Variants in EVL observed in about 807,000 individuals in gnomAD.
EVL encodes Enah/Vasp-like, also known as ena/VASP-like protein.
Under a neutral mutation model 59.6 loss-of-function variants are expected in EVL, and 21 were observed. The observed-to-expected ratio is 0.35, with a 90% CI of 0.25 to 0.51. The LOEUF is 0.51. EVL is among the 20% of genes least tolerant of loss of function. The pLI is 0.97. For synonymous variants in EVL, 198 were observed against 203.5 expected, an observed-to-expected ratio of 0.97 and a Z score of 0.23; for missense variants, 462 against 546.6, an observed-to-expected ratio of 0.85 and a Z score of 1.54.
chr14:99,973,381 T>A (rs1036461113), intron 1 of EVL, among the ~76,000 whole-genome samples: 3 of 152,238 alleles, frequency 2.0e-5, no homozygotes, highest in African/African-American at 7.2e-5. Flanking sequence ...TGTTGACTGA[T>A]GAGGCTGAAC....
chr14:100,066,235 T>G (rs2061927775), intron 1 of EVL, among the ~76,000 whole-genome samples: 1 of 152,236 alleles, frequency 6.6e-6, no homozygotes, highest in African/African-American at 2.4e-5. Flanking sequence ...TAACAATCCC[T>G]CACTTTGAAA....
At chr14:100,048,333 A>G (rs1163445696) in intron 1 of EVL, among the ~76,000 whole-genome samples, 4 of 152,248 alleles carry the variant, frequency 2.6e-5, no homozygotes, top group African/African-American at 7.2e-5. Flanking sequence ...TCAACTGGGC[A>G]AAAGACAGAC....
intron 13 of EVL, 89 bp downstream of exon 13, chr14:100,141,882 GAGCT>G: frequency 8.2e-7 from 1 of 1,217,644 alleles, no homozygotes; most frequent in Non-Finnish European, 1.2e-6. Context: ...CTCCAGTTTT[GAGCT>G]GGAGCCCATA....
At chr14:100,022,278 GT>G (rs60834825) in intron 1 of EVL, among the ~76,000 whole-genome samples, 209 of 129,142 alleles carry the variant, frequency 1.6e-3, no homozygotes, top group Admixed American at 4.4e-3. Flanking sequence ...TTCTTGGTTT[GT>G]TTTTTTTTTT....
In EVL at chr14:100,137,728, C is replaced by T. The variant is rs1477763432; in HGVS notation, c.1032-12C>T. The T allele has an allele frequency of 1.2e-6, 2 of 1,613,972 alleles. No homozygotes were observed. Among genetic ancestry groups the T allele is most frequent in the African/African-American group, 2.7e-5 (2 of 74,940 alleles). ...CGCCGATTCACATGTCTGTTTCATT[C>T]CATTGCCGTAGAACCCCGTCTGTGG... On this transcript the variant is annotated splice_polypyrimidine_tract_variant and intron_variant, in intron 10 of 13. Coordinates refer to ENST00000392920, the MANE Select transcript of EVL (RefSeq NM_016337.3).
At chr14:100,003,386 A>AT (rs1290054809) in intron 1 of EVL, among the ~76,000 whole-genome samples, 4 of 152,156 alleles carry the variant, frequency 2.6e-5, no homozygotes, top group African/African-American at 9.7e-5. Flanking sequence ...AGATACATGG[A>AT]TGTAATAACC....
intron 1 of EVL, among the ~76,000 whole-genome samples, chr14:100,070,453 G>A (rs1046909723): frequency 6.6e-6 from 1 of 152,140 alleles, no homozygotes; most frequent in African/African-American, 2.4e-5. Flanking sequence ...CTATTTTGCA[G>A]TCTCCGTCAT....
chr14:100,007,433 T>C (rs556308837), intron 1 of EVL, among the ~76,000 whole-genome samples: 2 of 152,170 alleles, frequency 1.3e-5, no homozygotes, highest in Non-Finnish European at 2.9e-5. Context: ...CCCTTTAGCT[T>C]AGTGATTTGG....
chr14:100,095,571 T>G (rs1009205918), intron 2 of EVL, among the ~76,000 whole-genome samples: 18 of 152,232 alleles, frequency 1.2e-4, no homozygotes, highest in African/African-American at 3.9e-4. Flanking sequence ...CCAGTCTAGT[T>G]CTTTTGGTTT....
chr14:100,047,973 A>G (rs954447053), intron 1 of EVL, among the ~76,000 whole-genome samples: 4 of 152,246 alleles, frequency 2.6e-5, no homozygotes, highest in Admixed American at 2.6e-4. Context: ...AAGTTACTTC[A>G]AAGTGGTTCA....
At chr14:100,039,561 T>A (rs1054300708) in intron 1 of EVL, among the ~76,000 whole-genome samples, 1 of 152,158 alleles carries the variant, frequency 6.6e-6, no homozygotes, top group Non-Finnish European at 1.5e-5. Flanking sequence ...AAGCAAAACT[T>A]TAAGTCACAT....
At chr14:100,115,975 CAGAG>C (rs1432570502) in intron 3 of EVL, among the ~76,000 whole-genome samples, 1 of 152,240 alleles carries the variant, frequency 6.6e-6, no homozygotes, top group Non-Finnish European at 1.5e-5. Context: ...CTGGGGTGGA[CAGAG>C]CCCTGGGCCG....
intron 3 of EVL, among the ~76,000 whole-genome samples, chr14:100,103,747 G>GACAC (rs1886380723): frequency 1.3e-5 from 2 of 152,200 alleles, no homozygotes; most frequent in South Asian, 4.1e-4. Context: ...GAGAGGCAGA[G>GACAC]ACACAGCAGC....
At chr14:99,979,019 CTT>C (rs1170112505) in intron 1 of EVL, among the ~76,000 whole-genome samples, 2 of 152,088 alleles carry the variant, frequency 1.3e-5, no homozygotes, top group East Asian at 1.9e-4. Flanking sequence ...TGCCTGAATT[CTT>C]GTTTCTCTTT....
At chr14:100,070,551 C>T (rs992335752) in intron 1 of EVL, among the ~76,000 whole-genome samples, 1 of 152,268 alleles carries the variant, frequency 6.6e-6, no homozygotes, top group Non-Finnish European at 1.5e-5. Flanking sequence ...TGTCGATGCT[C>T]TGTCGGCTCA....
chr14:100,094,895 G>A (rs528797270), intron 2 of EVL, among the ~76,000 whole-genome samples: 38 of 151,972 alleles, frequency 2.5e-4, no homozygotes, highest in African/African-American at 8.7e-4. Context: ...CAAAAAATTA[G>A]CTGGGCGTGG....
intron 2 of EVL, among the ~76,000 whole-genome samples, chr14:100,087,240 A>G (rs557974577): frequency 2.1e-4 from 32 of 152,358 alleles, no homozygotes; most frequent in African/African-American, 5.3e-4. Flanking sequence ...AAGTTATAGT[A>G]CCATTAGCCA....
At chr14:99,980,903 T>C (rs1402530783) in intron 1 of EVL, among the ~76,000 whole-genome samples, 5 of 152,234 alleles carry the variant, frequency 3.3e-5, no homozygotes, top group African/African-American at 1.2e-4. Context: ...TTTGCTTATC[T>C]AGTTATATAA....
At chr14:100,080,751 A>G (rs1380365457) in intron 1 of EVL, among the ~76,000 whole-genome samples, 1 of 152,216 alleles carries the variant, frequency 6.6e-6, no homozygotes, top group Admixed American at 6.5e-5. Flanking sequence ...CAGGGGGGAA[A>G]GAAGTCCACC....
Sources: allele counts gnomAD v4.1 joint callset (sites outside exome capture counted in the v4.1 genomes callset), GRCh38; gene constraint gnomAD v4.1.1; transcripts MANE v1.5; gene names NCBI Gene and HGNC (gene_info 2026-07-23, HGNC 2026-07-21).